The following NTF3 variants were observed in gnomAD, a reference collection of about 807,000 sequenced individuals.
NTF3 encodes the protein neurotrophin-3.
NTF3 carries 8 observed loss-of-function variants against 26.3 expected under a neutral mutation model. That is an observed-to-expected ratio of 0.30 (90% CI 0.18 to 0.55). The LOEUF (loss-of-function observed/expected upper bound fraction) is 0.55. Ranked by LOEUF, NTF3 falls within the 20% of genes least tolerant of loss-of-function variation. The pLI, the probability that NTF3 is intolerant of heterozygous loss-of-function variation, is 0.93. For missense variants in NTF3, 276 were observed against 352.9 expected (o/e 0.78, Z 1.75); for synonymous variants, 154 against 145.5 (o/e 1.06, Z -0.42).
At chr12:5,478,731 C>T (rs1940753417) in intron 1 of NTF3, among the ~76,000 whole-genome samples, 2 of 152,166 alleles carry the variant, frequency 1.3e-5, no homozygotes, top group South Asian at 4.2e-4. Context: ...AATAAATCTT[C>T]AAATAAACGA....
chr12:5,440,114 T>G (rs1940219205), intron 1 of NTF3, among the ~76,000 whole-genome samples: 2 of 152,188 alleles, frequency 1.3e-5, no homozygotes. Context: ...TCCTTCTTCC[T>G]CCACTGATTT....
chr12:5,446,288 A>T (rs1256571962), intron 1 of NTF3, among the ~76,000 whole-genome samples: 1 of 152,202 alleles, frequency 6.6e-6, no homozygotes, highest in Non-Finnish European at 1.5e-5. Context: ...TGCATTCATA[A>T]TGCAAAGTGG....
intron 1 of NTF3, among the ~76,000 whole-genome samples, chr12:5,483,109 GTC>G (rs1372701313): frequency 6.8e-6 from 1 of 147,510 alleles, no homozygotes; most frequent in Non-Finnish European, 1.5e-5. Context: ...CTCTCCCTCA[GTC>G]TCTCTCTGTC....
At chr12:5,430,578 C>T (rs1351888362), upstream of NTF3, among the ~76,000 whole-genome samples, 3 of 151,610 alleles carry the variant, frequency 2.0e-5, no homozygotes, top group East Asian at 5.8e-4. Context: ...TACGCAGCCC[C>T]CAGACTCCCC....
At chr12:5,463,244 A>T (rs1167190035) in intron 1 of NTF3, among the ~76,000 whole-genome samples, 1 of 152,228 alleles carries the variant, frequency 6.6e-6, no homozygotes, top group African/African-American at 2.4e-5. Context: ...GATACTAGTG[A>T]CTTCAAAATG....
chr12:5,468,284 C>A (rs957248209), intron 1 of NTF3, among the ~76,000 whole-genome samples: 1 of 152,128 alleles, frequency 6.6e-6, no homozygotes, highest in Non-Finnish European at 1.5e-5. Context: ...TTCCACCGTG[C>A]CTGTAATTAC....
At position 5,494,441 on chromosome 12, in the gene NTF3, G is replaced by A. The variant is rs1805149; in HGVS notation, c.266G>A (p.Gly89Glu). 43,945 of 1,612,718 alleles carry A rather than the reference G, an allele frequency of 0.027. 4,527 individuals carry two copies. Among genetic ancestry groups the A allele is most frequent in the Admixed American group, 0.25 (14,912 of 59,964 alleles). ...GCTCCCCGAGAGCCGGAGCGGGGAGGGCCCGCCAAGTCAGCATTCCAGCCG... is the reference window on the plus strand; with the variant it reads ...GCTCCCCGAGAGCCGGAGCGGGGAGAGCCCGCCAAGTCAGCATTCCAGCCG... ...AEAPREPERGGPAKSAFQPVI... is the reference protein window; with the variant it reads ...AEAPREPERGEPAKSAFQPVI... The change falls in exon 2 of 2, where the codon GGG becomes GAG. Residue 89 changes from glycine to glutamate, a missense_variant. This residue lies in a region of NTF3 where 221 missense variants were observed against 258.2 expected (regional missense o/e 0.86). Coordinates refer to ENST00000423158, the MANE Select transcript of NTF3 (RefSeq NM_001102654.2). This position sits in a 1 kb window ranked among gnomAD's most constrained non-coding sequence, Gnocchi z 8.3.
chr12:5,481,529 G>GAAATA, intron 1 of NTF3, among the ~76,000 whole-genome samples: 1 of 12,650 alleles, frequency 7.9e-5, no homozygotes, highest in Non-Finnish European at 1.9e-4. Flanking sequence ...CACACACACA[G>GAAATA]ACACATTCAC....
chr12:5,440,932 A>G (rs1200499439), intron 1 of NTF3, among the ~76,000 whole-genome samples: 3 of 152,254 alleles, frequency 2.0e-5, no homozygotes, highest in Non-Finnish European at 4.4e-5. Flanking sequence ...ATGTGATGCC[A>G]GATAAGTCAT....
intron 1 of NTF3, among the ~76,000 whole-genome samples, chr12:5,441,174 G>A (rs769998285): frequency 1.3e-5 from 2 of 152,164 alleles, no homozygotes; most frequent in African/African-American, 2.4e-5. Flanking sequence ...GGAAGTCCTC[G>A]AACCACACTA....
rs181210964 is a variant in NTF3 at position 5,468,875 on chromosome 12, C to T, written c.19-25319C>T. Among the ~76,000 whole-genome samples the T allele has an allele frequency of 1.9e-3, 293 of 152,262 alleles. 3 individuals carry two copies. Among genetic ancestry groups the T allele is most frequent in the African/African-American group, 6.9e-3 (288 of 41,534 alleles). On this transcript the variant is annotated intron_variant, in intron 1 of 1. Coordinates refer to ENST00000423158, the MANE Select transcript of NTF3 (RefSeq NM_001102654.2). ...GTGGCTCACACCTGTAGTCCCAGCA[C>T]CTTGGGAGCCCGAGGCAGGTGGATC...
chr12:5,443,866 A>AG (rs1356188065), intron 1 of NTF3, among the ~76,000 whole-genome samples: 1 of 151,346 alleles, frequency 6.6e-6, no homozygotes, highest in Non-Finnish European at 1.5e-5. Flanking sequence ...AGAGAGAGAG[A>AG]AAAAAAAAGA....
intron 1 of NTF3, among the ~76,000 whole-genome samples, chr12:5,489,066 A>G (rs551983866): frequency 6.7e-4 from 102 of 152,210 alleles, no homozygotes; most frequent in African/African-American, 2.4e-3. Context: ...GAGATGGTGC[A>G]CTCCGTGTTC....
rs1220118724 is a variant in NTF3 at position 5,433,023 on chromosome 12, G to A, written c.18+681G>A. ...ACCCGGAACCTCGCGTTCCAGTTTT[G>A]GGAGTTGGGACTCACTGCCACGCGC... is the stretch of plus-strand genomic sequence containing the variant. On this transcript the variant is annotated intron_variant, in intron 1 of 1. Coordinates refer to ENST00000423158, the MANE Select transcript of NTF3 (RefSeq NM_001102654.2). This position sits in a 1 kb window ranked among gnomAD's most constrained non-coding sequence, Gnocchi z 4.6. 1.3e-5 allele frequency: 2 copies of A among 152,292 alleles called. No homozygotes were observed. The highest frequency in any genetic ancestry group is 2.9e-5 in the Non-Finnish European group (2 of 68,138). The allele number at this position is 152,292 out of a possible 1,614,324, so 9.4% of individuals were successfully genotyped here. A position where few individuals can be genotyped will look rare whatever the true frequency, so the allele number is the denominator to read the frequency against.
intron 1 of NTF3, among the ~76,000 whole-genome samples, chr12:5,458,081 C>T (rs946463219): frequency 2.0e-5 from 3 of 152,142 alleles, no homozygotes; most frequent in Non-Finnish European, 4.4e-5. Context: ...GTTTTTTCAA[C>T]ACTGTTCACA....
intron 1 of NTF3, among the ~76,000 whole-genome samples, chr12:5,467,185 T>C (rs551273892): frequency 7.7e-4 from 95 of 123,034 alleles, no homozygotes; most frequent in Middle Eastern, 5.6e-3. Flanking sequence ...GCCGAGATCA[T>C]GCCACTGCAC....
Position 5,457,511 on chromosome 12 carries a change from G to A in NTF3, c.18+25169G>A, listed in dbSNP as rs78644304. Among the ~76,000 whole-genome samples the A allele has an allele frequency of 3.1e-3, 476 of 152,126 alleles. 3 individuals carry two copies. Among genetic ancestry groups the A allele is most frequent in the Admixed American group, 8.1e-3 (124 of 15,290 alleles). On this transcript the variant is annotated intron_variant, in intron 1 of 1. Transcript: ENST00000423158. ...GTCCTACCTCTGTGGCTGTTTCTGC[G>A]TGCTTTCCTTAGCTGACTTTTGCTC...
At chr12:5,446,828 G>C (rs1212034099) in intron 1 of NTF3, among the ~76,000 whole-genome samples, 1 of 152,188 alleles carries the variant, frequency 6.6e-6, no homozygotes, top group Admixed American at 6.5e-5. Context: ...CTTTGGACTT[G>C]GGATTCTCCA....
At chr12:5,450,822 T>C (rs1445962736) in intron 1 of NTF3, among the ~76,000 whole-genome samples, 1 of 152,270 alleles carries the variant, frequency 6.6e-6, no homozygotes, top group Non-Finnish European at 1.5e-5. Flanking sequence ...TTTTCTATTA[T>C]AATGTTAATT....
Sources: gnomAD v4.1 joint callset for allele counts (sites outside exome capture counted in the v4.1 genomes callset) on GRCh38, gnomAD v4.1.1 for gene constraint, gnomAD v4.1.1 regional missense constraint, Gnocchi (gnomAD v3.1) non-coding constraint, MANE v1.5 for transcripts, NCBI Gene and HGNC (gene_info 2026-07-23, HGNC 2026-07-21) for gene names.